The following PHF20L1 variants were observed in gnomAD, a reference collection of about 807,000 sequenced individuals.
The protein encoded by PHF20L1 is PHD finger protein 20-like protein 1.
Under a neutral mutation model 125.5 loss-of-function variants are expected in PHF20L1, and 44 were observed. The observed-to-expected ratio is 0.35, with a 90% confidence interval of 0.28 to 0.45. PHF20L1 has a LOEUF of 0.45. Ranked by LOEUF, PHF20L1 falls within the 20% of genes least tolerant of loss-of-function variation. The probability of loss-of-function intolerance (pLI) is 1.00; values close to 1 mark genes in which losing one functional copy is unlikely to be tolerated. For synonymous variants in PHF20L1, 380 were observed against 403.1 expected (o/e 0.94, Z 0.69); for missense variants, 1,012 against 1,217.2 (o/e 0.83, Z 2.51).
At chr8:132,793,372 A>G (rs1226387094) in intron 2 of PHF20L1, among the ~76,000 whole-genome samples, 1 of 152,186 alleles carries the variant, frequency 6.6e-6, no homozygotes, top group Non-Finnish European at 1.5e-5. Context: ...TCTGAATAGC[A>G]AGATTGAGCT....
rs1220038284 is a variant in PHF20L1, at chr8:132,844,299, A to G, written c.2892A>G (p.Leu964=). 1.9e-6 allele frequency: 3 copies of G among 1,608,222 alleles called. No homozygotes were observed. Among genetic ancestry groups the G allele is most frequent in the Non-Finnish European group, 2.5e-6 (3 of 1,177,408 alleles). ...VQNEVTSRMD[L]IEKEVDVLES... Reference sequence around the variant, plus strand: ...ACGAAGTTACCAGCAGGATGGACCTAATAGAAAAAGAAGTCGATGGTAATT... The same window carrying G: ...ACGAAGTTACCAGCAGGATGGACCTGATAGAAAAAGAAGTCGATGGTAATT... The change falls in exon 20 of 21, where the codon CTA becomes CTG. Residue 964 remains leucine, a synonymous_variant. Transcript: ENST00000395386.
At chr8:132,797,542 G>A (rs545181417) in intron 4 of PHF20L1, among the ~76,000 whole-genome samples, 2 of 152,030 alleles carry the variant, frequency 1.3e-5, no homozygotes, top group African/African-American at 4.8e-5. Context: ...CTGGAATGCT[G>A]TATTGAAGAA....
At chr8:132,798,463 T>C (rs898608653) in intron 4 of PHF20L1, among the ~76,000 whole-genome samples, 1 of 152,060 alleles carries the variant, frequency 6.6e-6, no homozygotes, top group Non-Finnish European at 1.5e-5. Context: ...GATTTTACTT[T>C]TGTCAGCTAT....
chr8:132,777,253 G>A (rs1308008341), intron 1 of PHF20L1, among the ~76,000 whole-genome samples: 1 of 152,206 alleles, frequency 6.6e-6, no homozygotes, highest in African/African-American at 2.4e-5. Flanking sequence ...AGAGGAATTA[G>A]TGGTATCTTC....
At chr8:132,839,783 G>A (rs1051882739) in intron 18 of PHF20L1, among the ~76,000 whole-genome samples, 2 of 152,112 alleles carry the variant, frequency 1.3e-5, no homozygotes, top group African/African-American at 4.8e-5. Context: ...GAATGTGTAA[G>A]TGTGGTTAAA....
Position 132,847,081 on chromosome 8 carries a change from G to A in PHF20L1, c.*1158G>A, listed in dbSNP as rs956657985. The A allele has an allele frequency of 3.1e-4, 47 of 152,682 alleles. No homozygotes were observed. Among genetic ancestry groups the A allele is most frequent in the African/African-American group, 8.4e-4 (35 of 41,546 alleles). The allele number at this position is 152,682 out of a possible 1,614,324, so 9.5% of individuals were successfully genotyped here. On this transcript the variant is annotated 3_prime_UTR_variant, in exon 21 of 21. Coordinates refer to ENST00000395386, the MANE Select transcript of PHF20L1 (RefSeq NM_016018.5). ...TAGCTCTTGCTGGATTTTGAGCCTA[G>A]GTCCTACTGTCTGCCAGTACTCATG...
At position 132,799,300 on chromosome 8, in the gene PHF20L1, T is replaced by C. The variant is rs189803839; in HGVS notation, c.507+128T>C. ...TCTTCTTCTTTCCTTCTACAAATCA[T>C]AGTCATTCATCTTCCTTTAAAAGGC... is the stretch of plus-strand genomic sequence containing the variant. On this transcript the variant is annotated intron_variant, in intron 6 of 20. Coordinates refer to ENST00000395386, the MANE Select transcript of PHF20L1 (RefSeq NM_016018.5). 73 of 579,044 alleles carry C rather than the reference T, an allele frequency of 1.3e-4. No individual in the cohort carries two copies. In the Admixed American group the frequency reaches 1.3e-3, roughly 10 times the overall value. 35.9% of individuals were successfully genotyped at this position (579,044 alleles called of 1,614,324 possible).
intron 18 of PHF20L1, chr8:132,841,472 T>C (rs1837927457): frequency 6.6e-6 from 1 of 152,136 alleles, no homozygotes; most frequent in South Asian, 2.1e-4. Flanking sequence ...GAAACAATAC[T>C]TGAGTATTAT....
chr8:132,837,380 T>C (rs1224947350), intron 16 of PHF20L1, among the ~76,000 whole-genome samples: 1 of 152,156 alleles, frequency 6.6e-6, no homozygotes, highest in East Asian at 1.9e-4. Context: ...TTTTTTCCCC[T>C]AATTTCCGCA....
At chr8:132,829,444 A>G (rs962918333) in intron 14 of PHF20L1, among the ~76,000 whole-genome samples, 1 of 152,124 alleles carries the variant, frequency 6.6e-6, no homozygotes, top group Non-Finnish European at 1.5e-5. Flanking sequence ...TAATCATTGT[A>G]AAGTACTTGA....
At chr8:132,803,750 T>G in intron 6 of PHF20L1, 69 bp from the exon 7 acceptor site, 1 of 806,912 alleles carries the variant, frequency 1.2e-6, no homozygotes, top group Non-Finnish European at 2.0e-6. Flanking sequence ...GTGACACATA[T>G]TTTTATTAGT....
chr8:132,845,812 G>C lies in PHF20L1; in HGVS notation c.2943G>C (p.Glu981Asp), dbSNP rs776058258. ...VLESWLDFTG[E>D]LEPPDPLARL... The stretch of plus-strand genomic sequence containing the variant: ...AAAGCTGGCTTGATTTCACAGGGGA[G>C]TTGGAGCCACCAGATCCTCTTGCAA... The change falls in exon 21 of 21, where the codon GAG becomes GAC. Residue 981 changes from glutamate to aspartate, a missense_variant. By Grantham distance (45) the Glu-to-Asp change is conservative (BLOSUM62 2). Around this residue, in one of 7 missense-constraint regions of PHF20L1, gnomAD observed 277 missense variants for 283.6 expected, o/e 0.98. Transcript: ENST00000395386. 1 of 1,611,030 alleles carries C rather than the reference G, an allele frequency of 6.2e-7. No individual in the cohort carries two copies. Among genetic ancestry groups the C allele is most frequent in the South Asian group, 1.1e-5 (1 of 90,982 alleles).
intron 1 of PHF20L1, among the ~76,000 whole-genome samples, chr8:132,775,917 C>T (rs921919970): frequency 6.6e-6 from 1 of 152,204 alleles, no homozygotes; most frequent in Non-Finnish European, 1.5e-5. Context: ...CACCCCCTCT[C>T]TGTCTGGCCT....
chr8:132,814,986 T>TA, intron 10 of PHF20L1, 97 bp downstream of exon 10: 1 of 947,888 alleles, frequency 1.1e-6, no homozygotes, highest in South Asian at 1.9e-5. Flanking sequence ...AGTTGCTTTT[T>TA]AAAAACTCAA....
At chr8:132,777,277 T>G (rs1563770700) in intron 1 of PHF20L1, among the ~76,000 whole-genome samples, 1 of 152,138 alleles carries the variant, frequency 6.6e-6, no homozygotes, top group South Asian at 2.1e-4. Flanking sequence ...GGCAGAGGAG[T>G]GTGCCTACTG....
intron 6 of PHF20L1, among the ~76,000 whole-genome samples, chr8:132,801,976 C>CTTTT (rs1833104966): frequency 1.3e-5 from 2 of 151,656 alleles, no homozygotes; most frequent in Non-Finnish European, 3.0e-5. Context: ...TCTAGCAACT[C>CTTTT]TGACAACTTA....
intron 14 of PHF20L1, among the ~76,000 whole-genome samples, chr8:132,831,574 T>G (rs1836786352): frequency 6.6e-6 from 1 of 152,088 alleles, no homozygotes; most frequent in Non-Finnish European, 1.5e-5. Context: ...GTGCCAGACA[T>G]CAGGAGAACC....
intron 1 of PHF20L1, among the ~76,000 whole-genome samples, chr8:132,777,294 C>T (rs1829920157): frequency 6.6e-6 from 1 of 152,218 alleles, no homozygotes; most frequent in Non-Finnish European, 1.5e-5. Context: ...ACTGTTTCCT[C>T]CATCTTTGTG....
rs897513012 is a variant in PHF20L1, at chr8:132,836,626, A to C, written c.1996A>C (p.Thr666Pro). Residue 666 changes from threonine (T) to proline (P), a missense_variant, in exon 16 of 21, where the codon ACC (threonine) becomes CCC (proline). Thr to Pro is a conservative substitution (Grantham distance 38). Coordinates refer to ENST00000395386, the MANE Select transcript of PHF20L1 (RefSeq NM_016018.5). Reference sequence around the variant, plus strand: ...TGAATACAATCAGGACTTTGATTCAACCAATTTTGAGGAATCTCAGGATGA... The same window carrying C: ...TGAATACAATCAGGACTTTGATTCACCCAATTTTGAGGAATCTCAGGATGA... ...GDEYNQDFDS[T>P]NFEESQDEDD... The C allele has an allele frequency of 5.6e-5, 91 of 1,612,462 alleles. No individual in the cohort carries two copies. Among genetic ancestry groups the C allele is most frequent in the Non-Finnish European group, 7.4e-5 (87 of 1,178,824 alleles).
Sources: allele counts gnomAD v4.1 joint callset (sites outside exome capture counted in the v4.1 genomes callset), GRCh38; gene constraint gnomAD v4.1.1; regional missense constraint gnomAD v4.1.1; transcripts MANE v1.5; gene names NCBI Gene and HGNC (gene_info 2026-07-23, HGNC 2026-07-21).